The following EPB41L1 variants were observed in gnomAD, a reference collection of about 807,000 sequenced individuals.
EPB41L1 encodes erythrocyte membrane protein band 4.1 like 1, also known as band 4.1-like protein 1.
In EPB41L1, 29 loss-of-function variants were observed where a neutral mutation model predicts 97.8. That is an observed-to-expected ratio of 0.30 (90% CI 0.22 to 0.40). The LOEUF is 0.40. Among genes scored for constraint, EPB41L1 ranks in the 10% least tolerant of loss-of-function variants. The pLI, the probability that EPB41L1 is intolerant of heterozygous loss-of-function variation, is 1.00. For missense variants in EPB41L1, 812 were observed against 1,162.3 expected, an observed-to-expected ratio of 0.70 and a Z score of 4.38; for synonymous variants, 383 against 459.2, an observed-to-expected ratio of 0.83 and a Z score of 2.12.
At position 36,184,406 on chromosome 20, in the gene EPB41L1, C is replaced by T. The variant is rs570364894; in HGVS notation, c.567-711C>T. On this transcript the variant is annotated intron_variant, in intron 6 of 21. Transcript: ENST00000338074. ...GTTCTAAAATTGTAAAATCGTCCAA[C>T]TGTGCATAAAAGTTATAAAAAATCA... is the stretch of plus-strand genomic sequence containing the variant. Among the ~76,000 whole-genome samples, 5 of 152,108 alleles carry T rather than the reference C, an allele frequency of 3.3e-5. No individual in the cohort carries two copies. The South Asian group carries it at 1.0e-3, about 32-fold the overall frequency.
rs377140086 is a variant in EPB41L1, at chr20:36,222,540, T to G, written c.2637+146T>G. ...CCCATCAGCCTTCCTGATTTGCTGCTCAAAGGAGAGAGGCACCTCCCCGAG... is the reference window on the plus strand; with the variant it reads ...CCCATCAGCCTTCCTGATTTGCTGCGCAAAGGAGAGAGGCACCTCCCCGAG... On this transcript the variant is annotated intron_variant, in intron 21 of 21. Transcript: ENST00000338074. 1,477 of 667,738 alleles carry G rather than the reference T, an allele frequency of 2.2e-3. 5 individuals carry two copies. Among genetic ancestry groups the G allele is most frequent in the Middle Eastern group, 5.4e-3 (13 of 2,408 alleles). The allele number at this position is 667,738 out of a possible 1,614,324, so 41.4% of individuals were successfully genotyped here.
intron 1 of EPB41L1, among the ~76,000 whole-genome samples, chr20:36,156,937 G>C (rs2060327265): frequency 6.6e-6 from 1 of 152,078 alleles, no homozygotes; most frequent in Admixed American, 6.5e-5. Context: ...TTGTTAAAAG[G>C]GGACACAGGC....
chr20:36,190,184 A>T lies in EPB41L1; in HGVS notation c.1027-93A>T, dbSNP rs561206354. 3 of 1,066,094 alleles carry T rather than the reference A, an allele frequency of 2.8e-6. No homozygotes were observed. Among genetic ancestry groups the T allele is most frequent in the Non-Finnish European group, 4.3e-6 (3 of 703,302 alleles). 66.0% of individuals were successfully genotyped at this position (1,066,094 alleles called of 1,614,324 possible). On this transcript the variant is annotated intron_variant, in intron 9 of 21. Coordinates refer to ENST00000338074, the MANE Select transcript of EPB41L1 (RefSeq NM_012156.2). This position sits in a 1 kb window ranked among gnomAD's most constrained non-coding sequence, Gnocchi z 5.8. ...GATCGAGACCCTGTGTCTCAAAAAA[A>T]CATTAAACAAATAAAATAAAAAACA...
chr20:36,118,735 G>T (rs1457518650), intron 2 of EPB41L1, among the ~76,000 whole-genome samples: 1 of 152,198 alleles, frequency 6.6e-6, no homozygotes, highest in Non-Finnish European at 1.5e-5. Flanking sequence ...ATGCTTAATA[G>T]ATATTTGTTG....
rs1027621998 is a variant in EPB41L1, at chr20:36,223,322, C to T, written c.2637+928C>T. On this transcript the variant is annotated intron_variant, in intron 21 of 21. Coordinates refer to ENST00000338074, the MANE Select transcript of EPB41L1 (RefSeq NM_012156.2). ...GTGCTGGGATTACAGGCATGAGCCACCATGCCTGGCATGATTGCATTTTGA... is the reference window on the plus strand; with the variant it reads ...GTGCTGGGATTACAGGCATGAGCCATCATGCCTGGCATGATTGCATTTTGA... 5.3e-5 allele frequency among the ~76,000 whole-genome samples: 8 copies of T among 152,236 alleles called. No individual in the cohort carries two copies. The South Asian group carries it at 1.7e-3, about 31-fold the overall frequency.
intron 14 of EPB41L1, among the ~76,000 whole-genome samples, chr20:36,203,188 T>C (rs145469534): frequency 6.6e-6 from 1 of 152,218 alleles, no homozygotes; most frequent in Non-Finnish European, 1.5e-5. Context: ...CTTCGCACCG[T>C]GGAAGTTTTT....
At chr20:36,147,818 T>C (rs1015633304) in intron 2 of EPB41L1, among the ~76,000 whole-genome samples, 7 of 152,026 alleles carry the variant, frequency 4.6e-5, no homozygotes, top group African/African-American at 1.7e-4. Flanking sequence ...TGCAAGGAAT[T>C]AGAGATGCTG....
At chr20:36,173,176 C>T (rs1022951076) in intron 1 of EPB41L1, among the ~76,000 whole-genome samples, 1 of 152,230 alleles carries the variant, frequency 6.6e-6, no homozygotes, top group South Asian at 2.1e-4. Flanking sequence ...ACTTTTACAT[C>T]GTCAAGCCTG....
chr20:36,106,242 G>A (rs545425173), intron 1 of EPB41L1, among the ~76,000 whole-genome samples: 1 of 152,354 alleles, frequency 6.6e-6, no homozygotes, highest in East Asian at 1.9e-4. Context: ...ATGCCGTTCC[G>A]CTCTCCTTCC....
At chr20:36,139,825 G>C (rs1288403423) in intron 2 of EPB41L1, among the ~76,000 whole-genome samples, 2 of 151,916 alleles carry the variant, frequency 1.3e-5, no homozygotes, top group Non-Finnish European at 2.9e-5. Context: ...TCTGCCTCCT[G>C]GGTTCAAGCG....
At chr20:36,187,804 G>GC (rs1569249864) in intron 8 of EPB41L1, 41 bp downstream of exon 8, 1 of 1,575,934 alleles carries the variant, frequency 6.3e-7, no homozygotes, top group South Asian at 1.1e-5. Flanking sequence ...TCTGGGTGGT[G>GC]CCCCCAAAGA....
chr20:36,137,655 G>T (rs1179384456), intron 2 of EPB41L1, among the ~76,000 whole-genome samples: 1 of 152,116 alleles, frequency 6.6e-6, no homozygotes, highest in Non-Finnish European at 1.5e-5. Context: ...CTCCTGAGTA[G>T]CTGGGATTAC....
chr20:36,189,264 A>G (rs575937835), intron 9 of EPB41L1, among the ~76,000 whole-genome samples: 1 of 152,106 alleles, frequency 6.6e-6, no homozygotes, highest in East Asian at 1.9e-4. Flanking sequence ...TTTTCCTCAT[A>G]GCTGCTGGAG....
chr20:36,190,147 C>CCCTG lies in EPB41L1; in HGVS notation c.1027-129_1027-126dup, dbSNP rs1270346030. 1 of 763,650 alleles carries CCCTG rather than the reference C, an allele frequency of 1.3e-6. No individual in the cohort carries two copies. The highest frequency in any genetic ancestry group is 1.7e-5 in the African/African-American group (1 of 57,920). 47.3% of individuals were successfully genotyped at this position (763,650 alleles called of 1,614,324 possible). A position where few individuals can be genotyped will look rare whatever the true frequency, so the allele number is the denominator to read the frequency against. ...GCTATGATTGCGCCACTGTACTCCA[C>CCCTG]CCTGGGCAAATGATCGAGACCCTGT... On this transcript the variant is annotated intron_variant, in intron 9 of 21. Coordinates refer to ENST00000338074, the MANE Select transcript of EPB41L1 (RefSeq NM_012156.2). The surrounding 1 kb of genome is among the most constrained non-coding windows in gnomAD (Gnocchi z 5.8).
chr20:36,223,346 G>C (rs1245416621), intron 21 of EPB41L1, among the ~76,000 whole-genome samples: 2 of 152,194 alleles, frequency 1.3e-5, no homozygotes, highest in Non-Finnish European at 2.9e-5. Flanking sequence ...ATTGCATTTT[G>C]ACTTCTGAGA....
intron 1 of EPB41L1, among the ~76,000 whole-genome samples, chr20:36,108,450 G>T (rs573857099): frequency 6.6e-6 from 1 of 151,604 alleles, no homozygotes; most frequent in East Asian, 2.0e-4. Flanking sequence ...TGAGGCAGGC[G>T]GATCGCTTGA....
At position 36,190,133 on chromosome 20, in the gene EPB41L1, G is replaced by A. The variant is rs540928214; in HGVS notation, c.1027-144G>A. On this transcript the variant is annotated intron_variant, in intron 9 of 21. Coordinates refer to ENST00000338074, the MANE Select transcript of EPB41L1 (RefSeq NM_012156.2). The surrounding 1 kb of genome is among the most constrained non-coding windows in gnomAD (Gnocchi z 5.8). ...CAAGGTTACAGTGAGCTATGATTGC[G>A]CCACTGTACTCCACCCTGGGCAAAT... is the stretch of plus-strand genomic sequence containing the variant. The A allele has an allele frequency of 2.4e-5, 16 of 679,788 alleles. No homozygotes were observed. The highest frequency in any genetic ancestry group is 2.0e-4 in the East Asian group (7 of 35,450). The allele number at this position is 679,788 out of a possible 1,614,324, so 42.1% of individuals were successfully genotyped here. A position where few individuals can be genotyped will look rare whatever the true frequency, so the allele number is the denominator to read the frequency against.
chr20:36,208,435 T>A, intron 14 of EPB41L1: 1 of 376,102 alleles, frequency 2.7e-6, no homozygotes, highest in Non-Finnish European at 5.3e-6. Context: ...TGTGCCCTGA[T>A]GACCCAGTCA....
intron 21 of EPB41L1, among the ~76,000 whole-genome samples, chr20:36,225,645 G>A (rs1416476492): frequency 6.6e-6 from 1 of 152,116 alleles, no homozygotes; most frequent in African/African-American, 2.4e-5. Flanking sequence ...GAGGTGGAGC[G>A]AGCCCCCTTC....
Sources: allele counts gnomAD v4.1 joint callset (sites outside exome capture counted in the v4.1 genomes callset), GRCh38; gene constraint gnomAD v4.1.1; non-coding constraint Gnocchi (gnomAD v3.1); transcripts MANE v1.5; gene names NCBI Gene and HGNC (gene_info 2026-07-23, HGNC 2026-07-21).